Variants in SI observed in about 807,000 individuals in gnomAD.
SI encodes sucrase-isomaltase, also known as sucrase-isomaltase, intestinal.
Under a neutral mutation model 253.3 loss-of-function variants are expected in SI, and 235 were observed. That is an observed-to-expected ratio of 0.93 (90% CI 0.83 to 1.03). The LOEUF (loss-of-function observed/expected upper bound fraction) is 1.03. SI is among the 50% of genes least tolerant of loss of function. The pLI is 0.00. For synonymous variants in SI, 819 were observed against 712.0 expected (o/e 1.15, Z -2.39); for missense variants, 2,442 against 2,211.1 (o/e 1.10, Z -2.09).
At position 165,039,906 on chromosome 3, in the gene SI, A is replaced by G; in HGVS notation, c.2225T>C (p.Ile742Thr). The change falls in exon 19 of 48, where the codon ATT becomes ACT. Residue 742 changes from isoleucine to threonine, a missense_variant. Physicochemically the swap from Ile to Thr is moderately conservative, Grantham distance 89. Coordinates refer to ENST00000264382, the MANE Select transcript of SI (RefSeq NM_001041.4). The part of the protein sequence containing the change: ...TEFLWGPALL[I>T]TPVLKQGADT... Reference sequence around the variant, plus strand: ...GCCTACCTGTTTTAGAACAGGAGTAATAAGTAATGCAGGGCCCCACAAAAA... The same window carrying G: ...GCCTACCTGTTTTAGAACAGGAGTAGTAAGTAATGCAGGGCCCCACAAAAA... 1.9e-6 allele frequency: 3 copies of G among 1,612,868 alleles called. No individual in the cohort carries two copies. Among genetic ancestry groups the G allele is most frequent in the African/African-American group, 1.3e-5 (1 of 74,992 alleles).
chr3:165,020,357 G>A (rs1220399291), intron 27 of SI, among the ~76,000 whole-genome samples: 2 of 151,624 alleles, frequency 1.3e-5, no homozygotes, highest in Non-Finnish European at 3.0e-5. Context: ...AACATAAAGA[G>A]GAAGGAAAGT....
In SI at chr3:165,009,262, G is replaced by T; in HGVS notation, c.4179+17C>A. ...CAATAAATAACTTAAAACATAGATT[G>T]TTCAAAGCTTACTTACAATCCACAA... On this transcript the variant is annotated intron_variant, in intron 35 of 47. Transcript: ENST00000264382. 1.3e-6 allele frequency: 2 copies of T among 1,490,542 alleles called. No homozygotes were observed. Among genetic ancestry groups the T allele is most frequent in the Non-Finnish European group, 1.9e-6 (2 of 1,067,690 alleles). 92.3% of individuals were successfully genotyped at this position (1,490,542 alleles called of 1,614,324 possible).
intron 26 of SI, among the ~76,000 whole-genome samples, chr3:165,021,992 G>A (rs946049388): frequency 6.6e-5 from 10 of 151,266 alleles, no homozygotes; most frequent in Non-Finnish European, 1.3e-4. Flanking sequence ...TACTTATGAG[G>A]TTTCATCTTT....
At position 165,027,086 on chromosome 3, in the gene SI, A is replaced by T. The variant is rs192101458; in HGVS notation, c.2893-3310T>A. On this transcript the variant is annotated intron_variant, in intron 25 of 47. Coordinates refer to ENST00000264382, the MANE Select transcript of SI (RefSeq NM_001041.4). ...TAGATCATTAGCAAGATTGATCAAG[A>T]AAAGGAGAAAGTCCAAATAAGCTCA... Among the ~76,000 whole-genome samples, 177 of 151,448 alleles carry T rather than the reference A, an allele frequency of 1.2e-3. 2 individuals are homozygous for T. The highest frequency in any genetic ancestry group is 4.8e-3 in the Admixed American group (73 of 15,128).
the SI span, among the ~76,000 whole-genome samples, chr3:165,088,151 C>T: frequency 1.1e-4 from 17 of 151,016 alleles, no homozygotes; most frequent in African/African-American, 3.6e-4. Context: ...TTCAAGACCC[C>T]CCTGGAGAAC....
Position 165,019,632 on chromosome 3 carries a change from C to G in SI, c.3393G>C (p.Trp1131Cys), listed in dbSNP as rs2108179651. 6.2e-7 allele frequency: 1 copy of G among 1,612,454 alleles called. No homozygotes were observed. Among genetic ancestry groups the G allele is most frequent in the Non-Finnish European group, 8.5e-7 (1 of 1,178,992 alleles). Residue 1131 changes from tryptophan to cysteine, a missense_variant, in exon 28 of 48, where the codon TGG becomes TGC. By Grantham distance (215) the Trp-to-Cys change is radical (BLOSUM62 -2). Coordinates refer to ENST00000264382, the MANE Select transcript of SI (RefSeq NM_001041.4). ...GGGGTTGGTCTCTTGTGAACATTCC[C>G]CAAGTATTCCAGTTCAGATCTCGCT... is the stretch of plus-strand genomic sequence containing the variant. ...AFKRDLNWNTWGMFTRDQPPG... is the reference protein window; with the variant it reads ...AFKRDLNWNTCGMFTRDQPPG...
At chr3:165,016,683 G>C (rs116038954) in intron 31 of SI, among the ~76,000 whole-genome samples, 3 of 151,834 alleles carry the variant, frequency 2.0e-5, no homozygotes, top group Admixed American at 2.0e-4. Context: ...TATTTGAATT[G>C]TATCATGGAA....
At chr3:165,017,452 T>C in intron 31 of SI, 96 bp downstream of exon 31, 1 of 1,233,812 alleles carries the variant, frequency 8.1e-7, no homozygotes, top group South Asian at 1.3e-5. Flanking sequence ...CTAAGCATTA[T>C]TACCAGCTGC....
rs548797434 is a variant in SI at position 165,019,213 on chromosome 3, A to G, written c.3423+389T>C. Among the ~76,000 whole-genome samples, 60 of 152,078 alleles carry G rather than the reference A, an allele frequency of 3.9e-4. No individual in the cohort carries two copies. In the South Asian group the frequency reaches 0.012, roughly 31 times the overall value. On this transcript the variant is annotated intron_variant, in intron 28 of 47. Coordinates refer to ENST00000264382, the MANE Select transcript of SI (RefSeq NM_001041.4). ...TGCAACTGAAGGTTATAAAGGGAAAAAAGATCAAATCAGTACCTGAGAAGT... is the reference window on the plus strand; with the variant it reads ...TGCAACTGAAGGTTATAAAGGGAAAGAAGATCAAATCAGTACCTGAGAAGT...
intron 37 of SI, among the ~76,000 whole-genome samples, chr3:165,002,577 A>G (rs1257344210): frequency 1.3e-5 from 2 of 151,598 alleles, no homozygotes; most frequent in Non-Finnish European, 3.0e-5. Flanking sequence ...ATAACTTGAG[A>G]AAAAAACGTG....
In SI at chr3:164,996,431, A is replaced by G. The variant is rs1304704593; in HGVS notation, c.4692+104T>C. On this transcript the variant is annotated intron_variant, in intron 40 of 47. Transcript: ENST00000264382. ...TTTCCTCACTACTCCAAAATTATAT[A>G]TAACATCAATAAATATACCAGCTAA... is the stretch of plus-strand genomic sequence containing the variant. 2.3e-5 allele frequency: 18 copies of G among 776,910 alleles called. 1 individual carries two copies. Among genetic ancestry groups the G allele is most frequent in the Middle Eastern group, 2.8e-4 (1 of 3,586 alleles). 48.1% of individuals were successfully genotyped at this position (776,910 alleles called of 1,614,324 possible). A position where few individuals can be genotyped will look rare whatever the true frequency, so the allele number is the denominator to read the frequency against.
chr3:165,079,213 A>G (rs1320330126), upstream of SI, among the ~76,000 whole-genome samples: 5 of 151,594 alleles, frequency 3.3e-5, no homozygotes, highest in Non-Finnish European at 7.4e-5. Flanking sequence ...TTTGGATATA[A>G]ATGCTGGCTG....
chr3:165,069,264 C>G (rs1322980842), intron 3 of SI, 69 bp from the exon 4 acceptor site: 3 of 1,040,074 alleles, frequency 2.9e-6, no homozygotes, highest in Non-Finnish European at 4.5e-6. Context: ...TCTGTTTTTC[C>G]AAGGAATGAA....
At chr3:165,071,651 A>G (rs150102467) in intron 3 of SI, among the ~76,000 whole-genome samples, 242 of 152,156 alleles carry the variant, frequency 1.6e-3, no homozygotes, top group African/African-American at 5.4e-3. Flanking sequence ...GGGTTAATTA[A>G]GTTTAAATAA....
chr3:165,077,817 C>T (rs977809027), intron 1 of SI, among the ~76,000 whole-genome samples: 1 of 151,478 alleles, frequency 6.6e-6, no homozygotes, highest in Non-Finnish European at 1.5e-5. Flanking sequence ...AACAAACTCT[C>T]CTTTGTCTAG....
intron 25 of SI, among the ~76,000 whole-genome samples, chr3:165,029,600 A>ATATATATG (rs1712124014): frequency 1.4e-5 from 2 of 145,486 alleles, no homozygotes; most frequent in Admixed American, 1.4e-4. Flanking sequence ...GTATATATAT[A>ATATATATG]CATATATATG....
intron 44 of SI, among the ~76,000 whole-genome samples, chr3:164,989,373 GAAGAAAGAAAGAAAGGAAGA>G (rs755970935): frequency 0.012 from 1,449 of 120,550 alleles, 13 homozygotes; most frequent in South Asian, 0.035. Context: ...AGAAAGAAAG[GAAGAAAGAAAGAAAGGAAGA>G]AAGAAAGAAA....
Position 165,065,440 on chromosome 3 carries a change from A to G in SI, c.636-8T>C, listed in dbSNP as rs1320361397. 7.8e-6 allele frequency: 9 copies of G among 1,155,432 alleles called. No homozygotes were observed. Among genetic ancestry groups the G allele is most frequent in the Non-Finnish European group, 1.1e-5 (9 of 843,134 alleles). The allele number at this position is 1,155,432 out of a possible 1,614,324, so 71.6% of individuals were successfully genotyped here. A position where few individuals can be genotyped will look rare whatever the true frequency, so the allele number is the denominator to read the frequency against. On this transcript the variant is annotated splice_polypyrimidine_tract_variant and splice_region_variant and intron_variant, in intron 6 of 47. Coordinates refer to ENST00000264382, the MANE Select transcript of SI (RefSeq NM_001041.4). The stretch of plus-strand genomic sequence containing the variant: ...CCAATGCTGGTGTCAAACCTGCACC[A>G]TAAAAGAAATAAAGAAATAATCTAA...
At chr3:165,023,254 C>G (rs780576181) in intron 26 of SI, among the ~76,000 whole-genome samples, 6 of 151,380 alleles carry the variant, frequency 4.0e-5, no homozygotes, top group Non-Finnish European at 7.4e-5. Context: ...ATAATGGAAA[C>G]AGTAGGCATC....
Sources: allele counts gnomAD v4.1 joint callset (sites outside exome capture counted in the v4.1 genomes callset), GRCh38; gene constraint gnomAD v4.1.1; transcripts MANE v1.5; gene names NCBI Gene and HGNC (gene_info 2026-07-23, HGNC 2026-07-21).